Variants in ANKAR observed in about 807,000 individuals in gnomAD.
The protein encoded by ANKAR is ankyrin and armadillo repeat containing.
A neutral mutation model predicts 146.2 loss-of-function variants in ANKAR; 136 were observed. That is an observed-to-expected ratio of 0.93 (90% CI 0.81 to 1.07). The LOEUF is 1.07. Among genes scored for constraint, ANKAR ranks in the 50% least tolerant of loss-of-function variants. ANKAR has a pLI of 0.00. For synonymous variants in ANKAR, 500 were observed against 575.8 expected (o/e 0.87, Z 1.88); for missense variants, 1,567 against 1,679.9 (o/e 0.93, Z 1.18).
intron 10 of ANKAR, among the ~76,000 whole-genome samples, chr2:189,715,734 T>C (rs1279449168): frequency 6.6e-6 from 1 of 152,190 alleles, no homozygotes; most frequent in African/African-American, 2.4e-5. Flanking sequence ...AAAAATCTTA[T>C]CCACCATGAT....
chr2:189,743,035 G>C (rs2043604884), intron 20 of ANKAR, among the ~76,000 whole-genome samples: 1 of 148,182 alleles, frequency 6.7e-6, no homozygotes, highest in Non-Finnish European at 1.5e-5. Flanking sequence ...AAACACTCCA[G>C]GTGGTTCTAA....
intron 17 of ANKAR, among the ~76,000 whole-genome samples, chr2:189,737,127 A>T (rs1162891471): frequency 3.7e-4 from 2 of 5,342 alleles, no homozygotes; most frequent in Non-Finnish European, 0.017. Context: ...AAGATGAATG[A>T]GTTCTTTCTG....
At chr2:189,730,163 A>G (rs1218134531) in intron 15 of ANKAR, among the ~76,000 whole-genome samples, 1 of 152,200 alleles carries the variant, frequency 6.6e-6, no homozygotes, top group Non-Finnish European at 1.5e-5. Flanking sequence ...GGAAAACAAC[A>G]GAATTATGAA....
chr2:189,728,669 C>T lies in ANKAR; in HGVS notation c.3041C>T (p.Ala1014Val), dbSNP rs1289760509. ...SAKMQYVGGE[A>V]VIALSKDSRM... is the part of the protein sequence containing the mutation. ...TGCTTTTCTTTATCAGGAGGTGAAG[C>T]TGTCATAGCTCTAAGTAAGGACAGC... is the stretch of plus-strand genomic sequence containing the variant. Residue 1014 changes from alanine to valine, a missense_variant, in exon 15 of 23, where the codon GCT becomes GTT. By Grantham distance (64) the Ala-to-Val change is moderately conservative. Transcript: ENST00000684021. The T allele has an allele frequency of 6.2e-7, 1 of 1,613,420 alleles. No individual in the cohort carries two copies. Among genetic ancestry groups the T allele is most frequent in the East Asian group, 2.2e-5 (1 of 44,868 alleles).
At chr2:189,746,057 T>C (rs2044113919) in intron 22 of ANKAR, among the ~76,000 whole-genome samples, 1 of 152,208 alleles carries the variant, frequency 6.6e-6, no homozygotes, top group Non-Finnish European at 1.5e-5. Context: ...TCTGATAAAA[T>C]TAATTTCATT....
rs772659771 is a variant in ANKAR, at chr2:189,707,010, C to T, written c.1983C>T (p.Ile661=). The T allele has an allele frequency of 1.1e-5, 18 of 1,613,488 alleles. No homozygotes were observed. Among genetic ancestry groups the T allele is most frequent in the South Asian group, 5.5e-5 (5 of 90,914 alleles). ...ACACTATTCAATACCTGTTTTCTAT[C>T]GGTGCTAACTGGAGAAAAACAGATA... ...ALDTIQYLFS[I]GANWRKTDIK... is the part of the protein sequence containing the mutation. Residue 661 remains isoleucine, a synonymous_variant, in exon 9 of 23, where the codon ATC becomes ATT. Transcript: ENST00000684021.
At chr2:189,699,084 C>T (rs1451852867) in intron 7 of ANKAR, among the ~76,000 whole-genome samples, 1 of 152,158 alleles carries the variant, frequency 6.6e-6, no homozygotes, top group African/African-American at 2.4e-5. Context: ...CCACAGTTTC[C>T]TAACACCCAG....
At chr2:189,680,081 CT>C (rs1478408953) in intron 2 of ANKAR, among the ~76,000 whole-genome samples, 1 of 152,090 alleles carries the variant, frequency 6.6e-6, no homozygotes, top group African/African-American at 2.4e-5. Flanking sequence ...TGGTCCTGGA[CT>C]TTTTTGTTGT....
chr2:189,714,672 C>T (rs533555445), intron 10 of ANKAR, among the ~76,000 whole-genome samples: 5 of 152,028 alleles, frequency 3.3e-5, no homozygotes, highest in Non-Finnish European at 5.9e-5. Flanking sequence ...ATTGGCCAGG[C>T]ATGGTGGCTC....
intron 21 of ANKAR, 128 bp downstream of exon 21, chr2:189,743,602 AC>A: frequency 2.3e-6 from 2 of 877,928 alleles, no homozygotes; most frequent in South Asian, 3.6e-5. Context: ...CAGAGGATAA[AC>A]TTTATTCTAA....
intron 10 of ANKAR, among the ~76,000 whole-genome samples, chr2:189,716,826 A>G (rs911305621): frequency 1.2e-4 from 18 of 151,978 alleles, no homozygotes; most frequent in African/African-American, 3.9e-4. Context: ...CCTGACAAAA[A>G]CAAGCAATGG....
rs147556360 is a variant in ANKAR, at chr2:189,742,881, C to A, written c.3811-394C>A. 5.9e-3 allele frequency among the ~76,000 whole-genome samples: 765 copies of A among 129,108 alleles called. 28 individuals are homozygous for A. Among genetic ancestry groups the A allele is most frequent in the African/African-American group, 0.021 (711 of 33,358 alleles). The allele number at this position is 129,108 out of a possible 152,430, so 84.7% of individuals were successfully genotyped here. On this transcript the variant is annotated intron_variant, in intron 20 of 22. Transcript: ENST00000684021. ...GAATTACCTGACACACACACACACACACACACACACACTAGAATTACCTGA... is the reference window on the plus strand; with the variant it reads ...GAATTACCTGACACACACACACACAAACACACACACACTAGAATTACCTGA...
chr2:189,678,528 G>A (rs780764964), intron 2 of ANKAR, among the ~76,000 whole-genome samples: 1 of 152,096 alleles, frequency 6.6e-6, no homozygotes, highest in Non-Finnish European at 1.5e-5. Context: ...TGTCTAGAAG[G>A]GTTTGTCCGA....
chr2:189,729,695 C>CGTGCGTGTGTGTGTGTGTGTGTGT (rs1553528975), intron 15 of ANKAR, among the ~76,000 whole-genome samples: 1 of 94,206 alleles, frequency 1.1e-5, no homozygotes, highest in African/African-American at 3.0e-5. Flanking sequence ...ATCAGCTGTG[C>CGTGCGTGTGTGTGTGTGTGTGTGT]GTGTGTGTGT....
downstream of ANKAR, among the ~76,000 whole-genome samples, chr2:189,747,982 G>A (rs537117542): frequency 4.7e-4 from 71 of 152,106 alleles, no homozygotes; most frequent in African/African-American, 1.7e-3. Context: ...CACTGCGCCT[G>A]GCTTCACTGT....
intron 7 of ANKAR, among the ~76,000 whole-genome samples, chr2:189,701,635 C>A (rs1211841971): frequency 6.6e-6 from 1 of 152,124 alleles, no homozygotes; most frequent in African/African-American, 2.4e-5. Flanking sequence ...ATTTCTTTTA[C>A]AGTGTTTTTT....
At chr2:189,717,797 TGAC>T (rs1235286544) in intron 10 of ANKAR, among the ~76,000 whole-genome samples, 1 of 152,146 alleles carries the variant, frequency 6.6e-6, no homozygotes, top group Non-Finnish European at 1.5e-5. Flanking sequence ...GGGACATGGA[TGAC>T]GCTGGAAACC....
chr2:189,681,305 A>G (rs1300454094), intron 2 of ANKAR, among the ~76,000 whole-genome samples: 3 of 152,180 alleles, frequency 2.0e-5, no homozygotes, highest in African/African-American at 7.2e-5. Flanking sequence ...TCATGGCAGG[A>G]AGGAGCACAT....
In ANKAR at chr2:189,727,851, T is replaced by C; in HGVS notation, c.2636-5T>C. The C allele has an allele frequency of 6.2e-7, 1 of 1,611,594 alleles. No individual in the cohort carries two copies. The highest frequency in any genetic ancestry group is 8.5e-7 in the Non-Finnish European group (1 of 1,178,428). On this transcript the variant is annotated splice_region_variant and splice_polypyrimidine_tract_variant and intron_variant, in intron 12 of 22. Coordinates refer to ENST00000684021, the MANE Select transcript of ANKAR (RefSeq NM_001378068.1). ...TATTTAACTTGTTCTTAAATTCATT[T>C]GAAGATGTGTTGAAGGCTGTATCTT...
Sources: gnomAD v4.1 joint callset for allele counts (sites outside exome capture counted in the v4.1 genomes callset) on GRCh38, gnomAD v4.1.1 for gene constraint, MANE v1.5 for transcripts, NCBI Gene and HGNC (gene_info 2026-07-23, HGNC 2026-07-21) for gene names.